The following KCNN2 variants were observed in gnomAD, a reference collection of about 807,000 sequenced individuals.
The protein encoded by KCNN2 is potassium calcium-activated channel subfamily N member 2.
KCNN2 carries 24 observed loss-of-function variants against 55.5 expected under a neutral mutation model. That is an observed-to-expected ratio of 0.43 (90% CI 0.31 to 0.61). The LOEUF (loss-of-function observed/expected upper bound fraction) is 0.61. Ranked by LOEUF, KCNN2 falls within the 20% of genes least tolerant of loss-of-function variation. KCNN2 has a pLI of 0.08. For synonymous variants in KCNN2, 431 were observed against 336.1 expected, an observed-to-expected ratio of 1.28 and a Z score of -3.09; for missense variants, 754 against 853.6, an observed-to-expected ratio of 0.88 and a Z score of 1.45.
intron 5 of KCNN2, among the ~76,000 whole-genome samples, chr5:114,480,776 T>C (rs998714343): frequency 6.6e-6 from 1 of 152,148 alleles, no homozygotes; most frequent in African/African-American, 2.4e-5. Context: ...CACACAGTTC[T>C]CTCAATAGAT....
chr5:114,391,463 G>A (rs1758450645), intron 2 of KCNN2, among the ~76,000 whole-genome samples: 1 of 152,026 alleles, frequency 6.6e-6, no homozygotes, highest in South Asian at 2.1e-4. Flanking sequence ...AAGTGGTCAA[G>A]CCAGAAATTA....
At chr5:114,385,519 G>GCACAGACA (rs1554085087) in intron 2 of KCNN2, among the ~76,000 whole-genome samples, 2 of 143,354 alleles carry the variant, frequency 1.4e-5, no homozygotes, top group African/African-American at 5.3e-5. Context: ...ACACATGCGC[G>GCACAGACA]CACACACACA....
intron 1 of KCNN2, among the ~76,000 whole-genome samples, chr5:114,189,884 TA>T (rs1456330205): frequency 6.6e-6 from 1 of 152,064 alleles, no homozygotes; most frequent in Non-Finnish European, 1.5e-5. Flanking sequence ...TTATCCATAT[TA>T]AAAGTCAGTG....
intron 1 of KCNN2, among the ~76,000 whole-genome samples, chr5:114,139,418 A>G (rs1179406888): frequency 6.6e-6 from 1 of 150,650 alleles, no homozygotes; most frequent in East Asian, 1.9e-4. Context: ...TTCCTTCTTT[A>G]TTTTAATTTG....
intron 5 of KCNN2, among the ~76,000 whole-genome samples, chr5:114,477,399 C>T (rs1200589807): frequency 6.6e-6 from 1 of 152,008 alleles, no homozygotes; most frequent in African/African-American, 2.4e-5. Flanking sequence ...CTACATTAAC[C>T]AAGTAAAATA....
At chr5:114,252,667 C>T (rs936520223) in intron 2 of KCNN2, among the ~76,000 whole-genome samples, 5 of 151,612 alleles carry the variant, frequency 3.3e-5, no homozygotes, top group Non-Finnish European at 5.9e-5. Context: ...TTCCCCCCAA[C>T]CCCCACCCCC....
At chr5:114,461,565 C>G (rs1347325493) in intron 3 of KCNN2, among the ~76,000 whole-genome samples, 1 of 152,138 alleles carries the variant, frequency 6.6e-6, no homozygotes, top group East Asian at 1.9e-4. Context: ...CTTCTCTATT[C>G]TTTGGAAGAA....
At chr5:114,333,213 G>A (rs1400793349) in intron 2 of KCNN2, among the ~76,000 whole-genome samples, 1 of 152,210 alleles carries the variant, frequency 6.6e-6, no homozygotes, top group Non-Finnish European at 1.5e-5. Context: ...AAACACGGGA[G>A]CCGGGAGGGC....
intron 3 of KCNN2, among the ~76,000 whole-genome samples, chr5:114,426,327 T>G (rs1410288900): frequency 6.6e-6 from 1 of 152,246 alleles, no homozygotes; most frequent in African/African-American, 2.4e-5. Context: ...AAGCTTGCAT[T>G]CCTGTCATAA....
At chr5:114,224,700 A>G (rs1754207222) in intron 2 of KCNN2, among the ~76,000 whole-genome samples, 1 of 152,146 alleles carries the variant, frequency 6.6e-6, no homozygotes, top group Non-Finnish European at 1.5e-5. Context: ...TAGTAGTGTA[A>G]TTATTTTCTG....
intron 2 of KCNN2, among the ~76,000 whole-genome samples, chr5:114,334,980 G>T (rs1349046049): frequency 1.3e-5 from 2 of 152,052 alleles, no homozygotes; most frequent in Non-Finnish European, 2.9e-5. Context: ...CTGGAGTGCA[G>T]TGTCGCGATC....
chr5:114,227,739 A>T (rs1754266662), intron 2 of KCNN2, among the ~76,000 whole-genome samples: 1 of 152,194 alleles, frequency 6.6e-6, no homozygotes, highest in African/African-American at 2.4e-5. Context: ...GTATGATATT[A>T]TTTCTGAATT....
At chr5:114,179,579 T>C (rs1753201359) in intron 1 of KCNN2, among the ~76,000 whole-genome samples, 1 of 152,206 alleles carries the variant, frequency 6.6e-6, no homozygotes, top group Non-Finnish European at 1.5e-5. Flanking sequence ...CTCCTTTTCT[T>C]ATCTTGGGAA....
At chr5:114,241,349 C>T (rs1218929062) in intron 2 of KCNN2, among the ~76,000 whole-genome samples, 2 of 151,950 alleles carry the variant, frequency 1.3e-5, no homozygotes, top group East Asian at 3.9e-4. Flanking sequence ...AGAGCCAAAA[C>T]ATTTTGAATA....
intron 1 of KCNN2, among the ~76,000 whole-genome samples, chr5:114,114,902 A>G (rs1217191382): frequency 1.3e-5 from 2 of 152,274 alleles, no homozygotes; most frequent in African/African-American, 4.8e-5. Flanking sequence ...CGCCTAGACT[A>G]TTAGCTCAAT....
At chr5:114,359,762 C>T (rs1027017693), upstream of KCNN2, among the ~76,000 whole-genome samples, 2 of 152,172 alleles carry the variant, frequency 1.3e-5, no homozygotes, top group Admixed American at 6.5e-5. Flanking sequence ...TCAATCGCTA[C>T]GTATAGCAAC....
intron 1 of KCNN2, among the ~76,000 whole-genome samples, chr5:114,179,946 AT>A (rs1753207382): frequency 6.6e-6 from 1 of 152,200 alleles, no homozygotes. Flanking sequence ...ACTTATCTTT[AT>A]TTTATTAATC....
intron 4 of KCNN2, among the ~76,000 whole-genome samples, chr5:114,464,882 T>C (rs371707907): frequency 5.9e-5 from 9 of 151,982 alleles, no homozygotes; most frequent in Admixed American, 4.6e-4. Flanking sequence ...CCTCAAATAA[T>C]AGCATTTTAT....
chr5:114,214,773 C>A (rs1250085397), intron 1 of KCNN2, among the ~76,000 whole-genome samples: 1 of 152,068 alleles, frequency 6.6e-6, no homozygotes, highest in Non-Finnish European at 1.5e-5. Flanking sequence ...AACCTGAGTG[C>A]CTTTCAGTCA....
Sources: gnomAD v4.1 joint callset for allele counts (sites outside exome capture counted in the v4.1 genomes callset) on GRCh38, gnomAD v4.1.1 for gene constraint, MANE v1.5 for transcripts, NCBI Gene and HGNC (gene_info 2026-07-23, HGNC 2026-07-21) for gene names.